C9orf85: variants seen among roughly 807,000 people sequenced by gnomAD.
C9orf85 encodes the protein uncharacterized protein C9orf85.
A neutral mutation model predicts 14.9 loss-of-function variants in C9orf85; 16 were observed. The ratio of observed to expected loss-of-function variants is 1.08; its 90% CI spans 0.73 to 1.63. C9orf85 has a LOEUF of 1.63. Ranked by LOEUF, C9orf85 falls within the 40% of genes most tolerant of loss-of-function variation. C9orf85 has a pLI of 0.00. For missense variants in C9orf85, 172 were observed against 186.1 expected, an observed-to-expected ratio of 0.92 and a Z score of 0.44; for synonymous variants, 45 against 56.8, an observed-to-expected ratio of 0.79 and a Z score of 0.93.
Position 71,972,869 on chromosome 9 carries a change from CACAG to C in C9orf85, c.*28_*31del, listed in dbSNP as rs1822919284. ...ATCACTGTATTAAAAGTCTGCCGGG[CACAG>C]TGGCTCACGCCTGTAATCCCAACAC... On this transcript the variant is annotated 3_prime_UTR_variant, in exon 4 of 4. Coordinates refer to ENST00000334731, the MANE Select transcript of C9orf85 (RefSeq NM_182505.5). 1 of 1,574,962 alleles carries C rather than the reference CACAG, an allele frequency of 6.3e-7. No homozygotes were observed. Among genetic ancestry groups the C allele is most frequent in the Non-Finnish European group, 8.6e-7 (1 of 1,158,046 alleles).
intron 1 of C9orf85, among the ~76,000 whole-genome samples, chr9:71,937,825 C>T (rs950336570): frequency 6.6e-6 from 1 of 152,032 alleles, no homozygotes; most frequent in South Asian, 2.1e-4. Flanking sequence ...GTGTGCATAT[C>T]AGGTTTTTTA....
chr9:71,928,416 A>G (rs1430838821), intron 1 of C9orf85, among the ~76,000 whole-genome samples: 4 of 152,192 alleles, frequency 2.6e-5, no homozygotes, highest in African/African-American at 9.7e-5. Flanking sequence ...GGGACTACAC[A>G]TCATGAATCT....
intron 1 of C9orf85, among the ~76,000 whole-genome samples, chr9:71,945,701 A>G (rs1822068353): frequency 6.6e-6 from 1 of 152,242 alleles, no homozygotes; most frequent in Non-Finnish European, 1.5e-5. Flanking sequence ...TGTTTCTTTC[A>G]GATGATCTGA....
At chr9:71,980,390 G>C (rs967400337) in intron 3 of C9orf85, among the ~76,000 whole-genome samples, 6 of 151,956 alleles carry the variant, frequency 3.9e-5, no homozygotes, top group African/African-American at 9.7e-5. Flanking sequence ...TGGGAACAAT[G>C]ACCTAAATAA....
chr9:71,940,032 A>T (rs1828290034), intron 1 of C9orf85, among the ~76,000 whole-genome samples: 1 of 152,096 alleles, frequency 6.6e-6, no homozygotes, highest in African/African-American at 2.4e-5. Flanking sequence ...AGTATGGTTC[A>T]TGAAAGAAAA....
At chr9:71,921,878 T>C (rs894867161) in intron 1 of C9orf85, among the ~76,000 whole-genome samples, 12 of 152,060 alleles carry the variant, frequency 7.9e-5, no homozygotes, top group Admixed American at 3.9e-4. Context: ...GCTACTCTCT[T>C]GAAACTTCCA....
rs374950769 is a variant in C9orf85, at chr9:71,982,991, C to CT, written c.*129dup. The CT allele has an allele frequency of 4.8e-3, 691 of 145,124 alleles. 4 individuals carry two copies. Among genetic ancestry groups the CT allele is most frequent in the South Asian group, 8.4e-3 (42 of 4,996 alleles). The allele number at this position is 145,124 out of a possible 1,614,324, so 9.0% of individuals were successfully genotyped here. On this transcript the variant is annotated 3_prime_UTR_variant, in exon 4 of 4. Coordinates refer to the C9orf85 transcript ENST00000377031. ...GACTGAGCATCTTTTCTTTTCTTTT[C>CT]TTTTTTTTTTTCCTTGTTTTTTGAG... is the stretch of plus-strand genomic sequence containing the variant.
rs544807549 is a variant in C9orf85 at position 71,963,353 on chromosome 9, G to A, written c.210-8152G>A. Among the ~76,000 whole-genome samples, 5 of 152,202 alleles carry A rather than the reference G, an allele frequency of 3.3e-5. No individual in the cohort carries two copies. In the South Asian group the frequency reaches 1.0e-3, roughly 32 times the overall value. On this transcript the variant is annotated intron_variant, in intron 2 of 3. Transcript: ENST00000334731. The stretch of plus-strand genomic sequence containing the variant: ...GATGGCGGTGTGCTGCTTCCAAGAT[G>A]GTGGTGAGAGGTGACGGCGTGCTGG...
At chr9:71,926,497 C>T (rs528204749) in intron 1 of C9orf85, among the ~76,000 whole-genome samples, 1 of 151,926 alleles carries the variant, frequency 6.6e-6, no homozygotes, top group Admixed American at 6.5e-5. Context: ...GCTAGAAACC[C>T]TCCCATGCCC....
At chr9:71,971,222 TAC>T (rs1443923741) in intron 2 of C9orf85, among the ~76,000 whole-genome samples, 3 of 152,238 alleles carry the variant, frequency 2.0e-5, no homozygotes, top group Non-Finnish European at 2.9e-5. Flanking sequence ...TGTATAGAAA[TAC>T]AGTTGAGTTT....
chr9:71,972,573 A>G (rs747225446), intron 3 of C9orf85, 119 bp from the exon 4 acceptor site: 1 of 682,832 alleles, frequency 1.5e-6, no homozygotes, highest in Non-Finnish European at 2.3e-6. Context: ...CTTTTTCTTT[A>G]TACTTACTTC....
At chr9:71,927,953 A>AG (rs1827969426) in intron 1 of C9orf85, among the ~76,000 whole-genome samples, 1 of 152,192 alleles carries the variant, frequency 6.6e-6, no homozygotes, top group Non-Finnish European at 1.5e-5. Context: ...TGGGAGGCCA[A>AG]GGCGGGTGGA....
intron 3 of C9orf85, among the ~76,000 whole-genome samples, chr9:71,981,234 G>A (rs562730386): frequency 6.6e-6 from 1 of 152,284 alleles, no homozygotes; most frequent in South Asian, 2.1e-4. Flanking sequence ...CCACAAAACA[G>A]CTCCATAGTA....
At chr9:71,928,678 TAA>T (rs1265830968) in intron 1 of C9orf85, among the ~76,000 whole-genome samples, 1 of 152,190 alleles carries the variant, frequency 6.6e-6, no homozygotes, top group Non-Finnish European at 1.5e-5. Context: ...CAACTCTTTA[TAA>T]GTTAGAATAT....
chr9:71,926,316 C>A (rs10735608), intron 1 of C9orf85, among the ~76,000 whole-genome samples: 147,399 of 152,300 alleles, frequency 0.97, 71,515 homozygotes, highest in East Asian at 1. Context: ...GAGCACTTGA[C>A]ATACAACCAG....
chr9:71,968,619 GAC>G (rs1822766817), intron 2 of C9orf85, among the ~76,000 whole-genome samples: 1 of 152,054 alleles, frequency 6.6e-6, no homozygotes. Context: ...TGTTTTTTGA[GAC>G]AGAGTCTTGC....
intron 1 of C9orf85, among the ~76,000 whole-genome samples, chr9:71,930,489 A>G (rs1828044324): frequency 6.6e-6 from 1 of 152,064 alleles, no homozygotes; most frequent in South Asian, 2.1e-4. Flanking sequence ...AGGTATGGCT[A>G]TGTGGACAGT....
intron 1 of C9orf85, among the ~76,000 whole-genome samples, chr9:71,939,472 T>C (rs1185863677): frequency 6.6e-6 from 1 of 152,148 alleles, no homozygotes; most frequent in African/African-American, 2.4e-5. Context: ...GGGGTTTATC[T>C]AATAAGAAAT....
chr9:71,924,228 A>G (rs1047150990), intron 1 of C9orf85, among the ~76,000 whole-genome samples: 3 of 152,142 alleles, frequency 2.0e-5, no homozygotes, highest in Non-Finnish European at 2.9e-5. Context: ...TGATTTTCTC[A>G]ACCTTAGTCC....
Sources: gnomAD v4.1 joint callset for allele counts (sites outside exome capture counted in the v4.1 genomes callset) on GRCh38, gnomAD v4.1.1 for gene constraint, MANE v1.5 for transcripts, NCBI Gene and HGNC (gene_info 2026-07-23, HGNC 2026-07-21) for gene names.